Variants in MTMR2 observed in about 807,000 individuals in gnomAD.
MTMR2 encodes myotubularin related protein 2.
MTMR2 carries 55 observed loss-of-function variants against 86.9 expected under a neutral mutation model. The observed-to-expected ratio is 0.63, with a 90% CI of 0.51 to 0.79. MTMR2 has a LOEUF of 0.79. MTMR2 is among the 30% of genes least tolerant of loss of function. The probability of loss-of-function intolerance (pLI) is 0.00; values close to 1 mark genes in which losing one functional copy is unlikely to be tolerated. For synonymous variants in MTMR2, 241 were observed against 266.8 expected, an observed-to-expected ratio of 0.90 and a Z score of 0.94; for missense variants, 659 against 772.3, an observed-to-expected ratio of 0.85 and a Z score of 1.74.
chr11:95,916,978 T>C (rs553495732), intron 1 of MTMR2, among the ~76,000 whole-genome samples: 1 of 151,510 alleles, frequency 6.6e-6, no homozygotes, highest in Non-Finnish European at 1.5e-5. Flanking sequence ...CTTTGCATAA[T>C]AAAGCTACAG....
At chr11:95,869,732 T>C (rs1864780046) in intron 2 of MTMR2, among the ~76,000 whole-genome samples, 1 of 152,178 alleles carries the variant, frequency 6.6e-6, no homozygotes, top group African/African-American at 2.4e-5. Flanking sequence ...AGGAGATGGC[T>C]TGAGAAATAA....
intron 7 of MTMR2, among the ~76,000 whole-genome samples, chr11:95,853,240 C>T (rs548358714): frequency 1.6e-4 from 24 of 151,296 alleles, no homozygotes; most frequent in African/African-American, 4.8e-4. Context: ...ATCTTTAACT[C>T]CTCCCCCTCC....
chr11:95,919,479 A>C (rs1387279577), intron 1 of MTMR2, among the ~76,000 whole-genome samples: 1 of 152,250 alleles, frequency 6.6e-6, no homozygotes, highest in Non-Finnish European at 1.5e-5. Flanking sequence ...ATAAACAAGT[A>C]TGGTACCCAG....
chr11:95,873,709 T>G (rs1447713729), intron 2 of MTMR2, among the ~76,000 whole-genome samples: 2 of 151,968 alleles, frequency 1.3e-5, no homozygotes, highest in East Asian at 3.8e-4. Context: ...TTTAGATCTT[T>G]CCACTTTCTC....
chr11:95,907,837 C>T (rs1044555409), intron 1 of MTMR2: 1 of 429,622 alleles, frequency 2.3e-6, no homozygotes, highest in Admixed American at 2.7e-5. Context: ...AAACCTTCCA[C>T]AAACTAGGCA....
chr11:95,881,867 C>T (rs939992377), intron 2 of MTMR2, among the ~76,000 whole-genome samples: 8 of 151,922 alleles, frequency 5.3e-5, no homozygotes, highest in East Asian at 3.9e-4. Context: ...ATAAAAGTAG[C>T]GATAGTAATC....
intron 2 of MTMR2, among the ~76,000 whole-genome samples, chr11:95,883,761 C>T (rs1865423308): frequency 6.6e-6 from 1 of 152,190 alleles, no homozygotes; most frequent in Non-Finnish European, 1.5e-5. Context: ...GCAGAGGCAA[C>T]AAATCTTGTT....
chr11:95,897,202 C>T (rs1395507594), intron 1 of MTMR2, among the ~76,000 whole-genome samples: 1 of 151,992 alleles, frequency 6.6e-6, no homozygotes, highest in Non-Finnish European at 1.5e-5. Flanking sequence ...ATCTTGGCCC[C>T]GATGATCTCT....
intron 2 of MTMR2, among the ~76,000 whole-genome samples, chr11:95,868,027 A>G (rs1864682482): frequency 6.6e-6 from 1 of 152,108 alleles, no homozygotes; most frequent in Non-Finnish European, 1.5e-5. Context: ...GCATCCTAGG[A>G]GGCCGAGGCG....
In MTMR2 at chr11:95,858,558, T is replaced by C. The variant is rs774505458; in HGVS notation, c.543A>G (p.Lys181=). 1.9e-6 allele frequency: 3 copies of C among 1,612,152 alleles called. No homozygotes were observed. The highest frequency in any genetic ancestry group is 2.5e-6 in the Non-Finnish European group (3 of 1,178,426). ...GGTTATTAGAGACAGGAAATGCATA[T>C]TTCATTAGATTCTCAAATATGGATC... is the stretch of plus-strand genomic sequence containing the variant. ...TRRSIFENLM[K]YAFPVSNNLP... is the part of the protein sequence containing the mutation. Residue 181 remains lysine, a synonymous_variant, in exon 6 of 15, where the codon AAA becomes AAG. Coordinates refer to ENST00000346299, the MANE Select transcript of MTMR2 (RefSeq NM_016156.6).
intron 12 of MTMR2, among the ~76,000 whole-genome samples, chr11:95,839,109 A>G (rs1227450355): frequency 6.6e-6 from 1 of 151,998 alleles, no homozygotes; most frequent in Non-Finnish European, 1.5e-5. Context: ...TATAAACATC[A>G]TGTAAATGGA....
At chr11:95,840,558 C>A (rs1457110802) in intron 12 of MTMR2, among the ~76,000 whole-genome samples, 1 of 152,110 alleles carries the variant, frequency 6.6e-6, no homozygotes, top group Non-Finnish European at 1.5e-5. Flanking sequence ...TTGTATACAC[C>A]TTTTCAGTAT....
intron 1 of MTMR2, among the ~76,000 whole-genome samples, chr11:95,888,724 C>T (rs1469465959): frequency 1.5e-5 from 2 of 133,730 alleles, no homozygotes; most frequent in South Asian, 2.1e-4. Context: ...CACACATACA[C>T]ACACACACAC....
intron 1 of MTMR2, among the ~76,000 whole-genome samples, chr11:95,901,391 C>A (rs1451981369): frequency 6.6e-6 from 1 of 152,156 alleles, no homozygotes; most frequent in South Asian, 2.1e-4. Context: ...AAAACTGTCC[C>A]TTTCACATGC....
In MTMR2 at chr11:95,841,627, A is replaced by T; in HGVS notation, c.1469T>A (p.Met490Lys). 6.2e-7 allele frequency: 1 copy of T among 1,610,892 alleles called. No homozygotes were observed. The highest frequency in any genetic ancestry group is 1.3e-5 in the African/African-American group (1 of 74,988). Residue 490 changes from methionine (M) to lysine (K), a missense_variant, in exon 12 of 15, where the codon ATG becomes AAG. By Grantham distance (95) the Met-to-Lys change is moderately conservative. This residue lies in a region of MTMR2 where 193 missense variants were observed against 191.6 expected (regional missense o/e 1.01). Transcript: ENST00000346299. The stretch of plus-strand genomic sequence containing the variant: ...GGCCAGATAAATTACCTGTCTTGTC[A>T]TCTGCCAGACACAGTCAATAAATTG... ...FLQFIDCVWQ[M>K]TRQFPTAFEF...
chr11:95,916,399 C>T (rs1866709114), intron 1 of MTMR2, among the ~76,000 whole-genome samples: 1 of 151,912 alleles, frequency 6.6e-6, no homozygotes, highest in Admixed American at 6.6e-5. Flanking sequence ...AAAAAGTATC[C>T]TTCAAAGAGA....
At chr11:95,860,482 C>G (rs1864371604) in intron 5 of MTMR2, among the ~76,000 whole-genome samples, 1 of 152,124 alleles carries the variant, frequency 6.6e-6, no homozygotes, top group African/African-American at 2.4e-5. Flanking sequence ...GCCTAAGCAA[C>G]AGAGCCAGAC....
At position 95,923,928 on chromosome 11, in the gene MTMR2, A is replaced by G. The variant is rs1407177717; in HGVS notation, c.27T>C (p.Ser9=). The change falls in exon 1 of 15, where the codon AGT becomes AGC. Residue 9 remains serine, a synonymous_variant. Transcript: ENST00000346299. ...GAGCCGCCGCCGGCTGGGAGCCAAGACTCTCGCAGCTCGAGCTCTTCTCCA... is the reference window on the plus strand; with the variant it reads ...GAGCCGCCGCCGGCTGGGAGCCAAGGCTCTCGCAGCTCGAGCTCTTCTCCA... MEKSSSCE[S]LGSQPAAARP... The G allele has an allele frequency of 1.9e-6, 3 of 1,561,338 alleles. No individual in the cohort carries two copies. The highest frequency in any genetic ancestry group is 2.6e-6 in the Non-Finnish European group (3 of 1,152,420).
At position 95,865,630 on chromosome 11, in the gene MTMR2, A is replaced by G; in HGVS notation, c.233T>C (p.Leu78Ser). ...GTCTTTAATATTTTCTCCTGGAAGC[A>G]AGGGTGGTTCTTCCATTTCTGCTAA... Reference protein sequence around the residue: ...NKLAEMEEPPLLPGENIKDMA... With the variant: ...NKLAEMEEPPSLPGENIKDMA... Residue 78 changes from leucine (L) to serine (S), a missense_variant, in exon 3 of 15, where the codon TTG becomes TCG. Physicochemically the swap from Leu to Ser is moderately radical, Grantham distance 145. Coordinates refer to ENST00000346299, the MANE Select transcript of MTMR2 (RefSeq NM_016156.6). The G allele has an allele frequency of 6.2e-7, 1 of 1,613,944 alleles. No homozygotes were observed. The highest frequency in any genetic ancestry group is 8.5e-7 in the Non-Finnish European group (1 of 1,179,832).
Sources: allele counts gnomAD v4.1 joint callset (sites outside exome capture counted in the v4.1 genomes callset), GRCh38; gene constraint gnomAD v4.1.1; regional missense constraint gnomAD v4.1.1; transcripts MANE v1.5; gene names NCBI Gene and HGNC (gene_info 2026-07-23, HGNC 2026-07-21).